Variants in GULP1 observed in about 807,000 individuals in gnomAD.
The protein encoded by GULP1 is GULP PTB domain containing engulfment adaptor 1, also known as PTB domain-containing engulfment adapter protein 1.
GULP1 carries 19 observed loss-of-function variants against 40.9 expected under a neutral mutation model. The ratio of observed to expected loss-of-function variants is 0.46; its 90% CI spans 0.32 to 0.68. GULP1 has a LOEUF of 0.68. Among genes scored for constraint, GULP1 ranks in the 30% least tolerant of loss-of-function variants. The pLI, the probability that GULP1 is intolerant of heterozygous loss-of-function variation, is 0.03. For missense variants in GULP1, 312 were observed against 362.2 expected (o/e 0.86, Z 1.12); for synonymous variants, 119 against 117.6 (o/e 1.01, Z -0.08).
chr2:188,519,714 G>A (rs546090509), intron 4 of GULP1, among the ~76,000 whole-genome samples: 1 of 152,284 alleles, frequency 6.6e-6, no homozygotes, highest in South Asian at 2.1e-4. Context: ...CGCTTAGGGA[G>A]CTTTAAAATA....
chr2:188,359,695 T>C (rs1448792787), intron 1 of GULP1, among the ~76,000 whole-genome samples: 1 of 152,124 alleles, frequency 6.6e-6, no homozygotes, highest in Non-Finnish European at 1.5e-5. Flanking sequence ...GTACTATTAG[T>C]TATTGCTTTT....
intron 1 of GULP1, among the ~76,000 whole-genome samples, chr2:188,353,200 CAA>C (rs985506053): frequency 2.6e-4 from 39 of 152,176 alleles, no homozygotes; most frequent in African/African-American, 9.1e-4. Context: ...ATAAGGAAAA[CAA>C]ATCTGTAGTA....
chr2:188,316,208 T>C (rs2039057312), intron 1 of GULP1, among the ~76,000 whole-genome samples: 1 of 152,194 alleles, frequency 6.6e-6, no homozygotes, highest in Non-Finnish European at 1.5e-5. Context: ...TTTTCTGTTT[T>C]TGTAAAGGCA....
chr2:188,506,863 G>C (rs540799332), intron 4 of GULP1, among the ~76,000 whole-genome samples: 51 of 152,116 alleles, frequency 3.4e-4, no homozygotes, highest in African/African-American at 1.1e-3. Context: ...TGGCAAATTT[G>C]CTATCCTGAT....
rs1437650434 is a variant in GULP1 at position 188,403,022 on chromosome 2, TG to T, written c.-45+19134del. ...CCTTGTTTTATTCATTACATGCTAC[TG>T]CTTGTAGAAGGCATACATTAACATG... On this transcript the variant is annotated intron_variant, in intron 2 of 11. Coordinates refer to ENST00000409830, the MANE Select transcript of GULP1 (RefSeq NM_016315.4). Among the ~76,000 whole-genome samples, 3 of 152,190 alleles carry T rather than the reference TG, an allele frequency of 2.0e-5. No individual in the cohort carries two copies. In the East Asian group the frequency reaches 5.8e-4, roughly 29 times the overall value.
intron 2 of GULP1, among the ~76,000 whole-genome samples, chr2:188,475,248 G>A (rs2060914910): frequency 6.6e-6 from 1 of 152,096 alleles, no homozygotes; most frequent in South Asian, 2.1e-4. Flanking sequence ...TCAAAAGAAT[G>A]ACTTATCTGA....
chr2:188,506,879 A>G (rs1048557770), intron 4 of GULP1, among the ~76,000 whole-genome samples: 2 of 152,052 alleles, frequency 1.3e-5, no homozygotes, highest in Non-Finnish European at 2.9e-5. Flanking sequence ...CTGATAACAA[A>G]TTGAACATTC....
At chr2:188,487,889 T>C (rs193172724) in intron 4 of GULP1, among the ~76,000 whole-genome samples, 160 of 152,078 alleles carry the variant, frequency 1.1e-3, no homozygotes, top group African/African-American at 3.6e-3. Context: ...CTAGTGTGGC[T>C]TTCTCATCTT....
chr2:188,357,797 T>A (rs542606564), intron 1 of GULP1, among the ~76,000 whole-genome samples: 8 of 152,292 alleles, frequency 5.3e-5, no homozygotes, highest in African/African-American at 1.9e-4. Context: ...ATAGCCGAGA[T>A]ATGGAATCAA....
intron 3 of GULP1, among the ~76,000 whole-genome samples, chr2:188,480,047 T>C (rs2061327941): frequency 6.6e-6 from 1 of 152,146 alleles, no homozygotes; most frequent in Non-Finnish European, 1.5e-5. Context: ...AAATTTTCCC[T>C]TAAGTTCACC....
chr2:188,579,906 A>G (rs1700915393), intron 9 of GULP1, among the ~76,000 whole-genome samples: 1 of 152,170 alleles, frequency 6.6e-6, no homozygotes, highest in Admixed American at 6.5e-5. Flanking sequence ...TGGCCAACAT[A>G]TATCCTAAAA....
chr2:188,594,021 C>T lies in GULP1; in HGVS notation c.*10C>T, dbSNP rs767045845. ...AGACAGTAGGTGCTGACATCAAGAA[C>T]AAGAAATCCTGATTCATGTTAAATG... On this transcript the variant is annotated 3_prime_UTR_variant, in exon 12 of 12. Transcript: ENST00000409830. 3 of 1,492,590 alleles carry T rather than the reference C, an allele frequency of 2.0e-6. No individual in the cohort carries two copies. Among genetic ancestry groups the T allele is most frequent in the Non-Finnish European group, 2.8e-6 (3 of 1,071,250 alleles). The allele number at this position is 1,492,590 out of a possible 1,614,324, so 92.5% of individuals were successfully genotyped here.
intron 1 of GULP1, among the ~76,000 whole-genome samples, chr2:188,346,914 T>C (rs1036001392): frequency 1.3e-5 from 2 of 149,048 alleles, no homozygotes; most frequent in African/African-American, 5.0e-5. Flanking sequence ...GAGCTTGCAG[T>C]GAGCCGAGAT....
At chr2:188,590,668 T>G (rs747369876) in intron 11 of GULP1, 4 of 152,198 alleles carry the variant, frequency 2.6e-5, no homozygotes, top group Non-Finnish European at 4.4e-5. Context: ...AAATCAATAA[T>G]GTAGCTATTT....
intron 1 of GULP1, among the ~76,000 whole-genome samples, chr2:188,295,803 G>T (rs959296901): frequency 2.0e-5 from 3 of 151,994 alleles, no homozygotes; most frequent in African/African-American, 2.4e-5. Context: ...TACACTATGG[G>T]TATCCTTGAA....
At chr2:188,364,393 C>A (rs1390699591) in intron 1 of GULP1, among the ~76,000 whole-genome samples, 1 of 152,152 alleles carries the variant, frequency 6.6e-6, no homozygotes, top group African/African-American at 2.4e-5. Flanking sequence ...CAGAATACTA[C>A]CACGCTCATG....
intron 4 of GULP1, among the ~76,000 whole-genome samples, chr2:188,494,072 A>G (rs1216718416): frequency 1.3e-5 from 2 of 152,074 alleles, no homozygotes; most frequent in Admixed American, 6.6e-5. Flanking sequence ...GACTTAACCC[A>G]TGTGACATAA....
intron 2 of GULP1, among the ~76,000 whole-genome samples, chr2:188,416,335 A>G (rs1480706105): frequency 1.3e-5 from 2 of 152,134 alleles, no homozygotes; most frequent in Non-Finnish European, 2.9e-5. Context: ...TGATAGTTAC[A>G]CGACTTTGTA....
At chr2:188,424,777 G>T (rs1012054004) in intron 2 of GULP1, among the ~76,000 whole-genome samples, 5 of 151,402 alleles carry the variant, frequency 3.3e-5, no homozygotes, top group African/African-American at 1.2e-4. Context: ...TTTTCTCTCT[G>T]TTTTTGTTTC....
Sources: allele counts gnomAD v4.1 joint callset (sites outside exome capture counted in the v4.1 genomes callset), GRCh38; gene constraint gnomAD v4.1.1; transcripts MANE v1.5; gene names NCBI Gene and HGNC (gene_info 2026-07-23, HGNC 2026-07-21).